The following LRP1B variants were observed in gnomAD, a reference collection of about 807,000 sequenced individuals.
The protein encoded by LRP1B is low-density lipoprotein receptor-related protein 1B.
In LRP1B, 217 loss-of-function variants were observed where a neutral mutation model predicts 556.6. The ratio of observed to expected loss-of-function variants is 0.39; its 90% CI spans 0.35 to 0.44. The LOEUF (loss-of-function observed/expected upper bound fraction) is 0.44, where lower values mean the gene tolerates loss of function less well. Ranked by LOEUF, LRP1B falls within the 20% of genes least tolerant of loss-of-function variation. The probability of loss-of-function intolerance (pLI) is 1.00; values close to 1 mark genes in which losing one functional copy is unlikely to be tolerated. For missense variants in LRP1B, 5,053 were observed against 5,620.8 expected (o/e 0.90, Z 3.23); for synonymous variants, 2,047 against 1,865.8 (o/e 1.10, Z -2.50).
At chr2:141,175,816 A>C (rs147735555) in intron 7 of LRP1B, among the ~76,000 whole-genome samples, 5 of 152,134 alleles carry the variant, frequency 3.3e-5, no homozygotes, top group Admixed American at 6.5e-5. Flanking sequence ...GGCATTCAAC[A>C]ACAACCCATG....
chr2:140,730,847 A>C (rs1005943135), intron 35 of LRP1B, among the ~76,000 whole-genome samples: 2 of 152,050 alleles, frequency 1.3e-5, no homozygotes, highest in Non-Finnish European at 2.9e-5. Context: ...GTGAGCCGCC[A>C]CGCCCAGCCT....
At chr2:140,531,792 C>A (rs1283601289) in intron 47 of LRP1B, among the ~76,000 whole-genome samples, 1 of 152,106 alleles carries the variant, frequency 6.6e-6, no homozygotes. Flanking sequence ...TACTATTGGC[C>A]AAATATGACG....
At chr2:141,941,349 G>A (rs922540008) in intron 1 of LRP1B, among the ~76,000 whole-genome samples, 6 of 152,180 alleles carry the variant, frequency 3.9e-5, no homozygotes, top group Admixed American at 6.5e-5. Context: ...TTTGCTTGAT[G>A]GTGTATTTGC....
At chr2:140,513,483 A>T (rs1377507850) in intron 51 of LRP1B, among the ~76,000 whole-genome samples, 1 of 114,284 alleles carries the variant, frequency 8.8e-6, no homozygotes, top group African/African-American at 3.4e-5. Flanking sequence ...ACAGTCATCT[A>T]ATTGATTACT....
rs147171898 is a variant in LRP1B, at chr2:140,396,694, T to C, written c.10415-10685A>G. Among the ~76,000 whole-genome samples, 62 of 152,324 alleles carry C rather than the reference T, an allele frequency of 4.1e-4. No homozygotes were observed. In the East Asian group the frequency reaches 0.012, roughly 29 times the overall value. ...TTTAATAGCTAGTTAATAAATAGTA[T>C]CTGAAAAATTAAAAGATGTGAATTG... On this transcript the variant is annotated intron_variant, in intron 66 of 90. Coordinates refer to ENST00000389484, the MANE Select transcript of LRP1B (RefSeq NM_018557.3).
rs768291097 is a variant in LRP1B at position 141,058,989 on chromosome 2, G to A, written c.1302C>T (p.Tyr434=). 4 of 1,593,140 alleles carry A rather than the reference G, an allele frequency of 2.5e-6. No individual in the cohort carries two copies. The highest frequency in any genetic ancestry group is 2.6e-6 in the Non-Finnish European group (3 of 1,168,308). Residue 434 remains tyrosine, a synonymous_variant, in exon 9 of 91, where the codon TAC becomes TAT. Transcript: ENST00000389484. ...DYLYATNSDN[Y]NIVRINRFNG... ...TAAATCGGTTTATCCTTACGATATT[G>A]TAGTTATCAGAATTGGTTGCATACA... is the stretch of plus-strand genomic sequence containing the variant.
chr2:140,303,849 C>G (rs1196921987), intron 83 of LRP1B, among the ~76,000 whole-genome samples: 1 of 151,868 alleles, frequency 6.6e-6, no homozygotes, highest in East Asian at 1.9e-4. Flanking sequence ...ATGATGTTCC[C>G]CTTCCTGTGC....
chr2:141,535,788 C>T (rs1405733673), intron 2 of LRP1B, among the ~76,000 whole-genome samples: 1 of 151,996 alleles, frequency 6.6e-6, no homozygotes, highest in African/African-American at 2.4e-5. Context: ...GTTAATGACC[C>T]TTCAAAAGCA....
intron 2 of LRP1B, among the ~76,000 whole-genome samples, chr2:141,626,181 T>C (rs1315913824): frequency 6.6e-6 from 1 of 152,128 alleles, no homozygotes; most frequent in Non-Finnish European, 1.5e-5. Context: ...GAATTGACTT[T>C]TGACAAAGGA....
At chr2:140,305,435 A>C (rs1684024699) in intron 83 of LRP1B, among the ~76,000 whole-genome samples, 1 of 152,020 alleles carries the variant, frequency 6.6e-6, no homozygotes, top group Non-Finnish European at 1.5e-5. Flanking sequence ...ATGGGAGTTC[A>C]CTCATGATTT....
At chr2:141,112,811 A>G (rs1700788331) in intron 7 of LRP1B, among the ~76,000 whole-genome samples, 1 of 152,216 alleles carries the variant, frequency 6.6e-6, no homozygotes, top group Admixed American at 6.5e-5. Flanking sequence ...ACTGTATTTG[A>G]AAAAGGCAAA....
chr2:141,979,877 T>C (rs1032215778), intron 1 of LRP1B, among the ~76,000 whole-genome samples: 1 of 152,126 alleles, frequency 6.6e-6, no homozygotes, highest in Non-Finnish European at 1.5e-5. Flanking sequence ...GTGATCATCA[T>C]GCCCATTATC....
intron 1 of LRP1B, among the ~76,000 whole-genome samples, chr2:142,061,729 A>G (rs1380055751): frequency 6.6e-6 from 1 of 151,976 alleles, no homozygotes. Flanking sequence ...TATCTTCTTT[A>G]GTGTTTAGTC....
intron 84 of LRP1B, among the ~76,000 whole-genome samples, chr2:140,293,787 A>T (rs1302356593): frequency 6.6e-6 from 1 of 152,154 alleles, no homozygotes; most frequent in Non-Finnish European, 1.5e-5. Flanking sequence ...CAGCATCACC[A>T]TACAGCAAGA....
intron 3 of LRP1B, among the ~76,000 whole-genome samples, chr2:141,416,776 C>G (rs1353166464): frequency 6.6e-6 from 1 of 152,056 alleles, no homozygotes; most frequent in Non-Finnish European, 1.5e-5. Context: ...AGTTCTTAAA[C>G]AGTGCTCTGT....
intron 1 of LRP1B, among the ~76,000 whole-genome samples, chr2:141,839,791 G>T (rs536155801): frequency 1.3e-5 from 2 of 152,168 alleles, no homozygotes; most frequent in East Asian, 3.9e-4. Flanking sequence ...TCAGCAAACA[G>T]CCTAATTTAC....
chr2:141,288,636 A>G (rs909434305), intron 3 of LRP1B, among the ~76,000 whole-genome samples: 2 of 152,198 alleles, frequency 1.3e-5, no homozygotes, highest in African/African-American at 4.8e-5. Flanking sequence ...ATTATCTTAA[A>G]TGATCTAAAC....
intron 83 of LRP1B, among the ~76,000 whole-genome samples, chr2:140,301,881 A>T (rs1683843178): frequency 6.6e-6 from 1 of 151,852 alleles, no homozygotes; most frequent in South Asian, 2.1e-4. Context: ...GTGTGCATGT[A>T]TGTGTATGTG....
intron 4 of LRP1B, among the ~76,000 whole-genome samples, chr2:141,248,842 T>C (rs960207630): frequency 6.6e-6 from 1 of 152,184 alleles, no homozygotes; most frequent in African/African-American, 2.4e-5. Flanking sequence ...TGTGCTAATT[T>C]TATCCAAGAA....
Sources: allele counts gnomAD v4.1 joint callset (sites outside exome capture counted in the v4.1 genomes callset), GRCh38; gene constraint gnomAD v4.1.1; transcripts MANE v1.5; gene names NCBI Gene and HGNC (gene_info 2026-07-23, HGNC 2026-07-21).